Variants in ELOVL5 observed in about 807,000 individuals in gnomAD.
ELOVL5 encodes very long chain fatty acid elongase 5.
ELOVL5 carries 8 observed loss-of-function variants against 38.6 expected under a neutral mutation model. The ratio of observed to expected loss-of-function variants is 0.21; its 90% CI spans 0.12 to 0.37. ELOVL5 has a LOEUF of 0.37. Among genes scored for constraint, ELOVL5 ranks in the 10% least tolerant of loss-of-function variants. The pLI, the probability that ELOVL5 is intolerant of heterozygous loss-of-function variation, is 1.00. For synonymous variants in ELOVL5, 127 were observed against 133.7 expected (o/e 0.95, Z 0.34); for missense variants, 280 against 367.8 (o/e 0.76, Z 1.95).
chr6:53,335,816 C>T (rs903897883), intron 1 of ELOVL5, among the ~76,000 whole-genome samples: 3 of 152,198 alleles, frequency 2.0e-5, no homozygotes, highest in African/African-American at 7.2e-5. Context: ...GCAAAGTTAT[C>T]TGGAGGCTGT....
chr6:53,348,759 C>G, intron 1 of ELOVL5, 58 bp downstream of exon 1: 1 of 451,050 alleles, frequency 2.2e-6, no homozygotes, highest in South Asian at 1.6e-5. Context: ...CGCGCTCGCG[C>G]GGGTGTCATG....
intron 1 of ELOVL5, among the ~76,000 whole-genome samples, chr6:53,304,270 C>T (rs1767386890): frequency 6.6e-6 from 1 of 152,208 alleles, no homozygotes; most frequent in Non-Finnish European, 1.5e-5. Flanking sequence ...TTACAGATGG[C>T]ATTTCCTCGG....
At chr6:53,345,971 G>A (rs1030363754) in intron 1 of ELOVL5, among the ~76,000 whole-genome samples, 1 of 152,154 alleles carries the variant, frequency 6.6e-6, no homozygotes, top group Non-Finnish European at 1.5e-5. Flanking sequence ...GTATACATGT[G>A]CCATGCTGGT....
chr6:53,346,876 T>C (rs959761501), intron 1 of ELOVL5, among the ~76,000 whole-genome samples: 5 of 152,044 alleles, frequency 3.3e-5, no homozygotes, highest in African/African-American at 1.2e-4. Flanking sequence ...ATCCAAAAAT[T>C]AAGGTCTGTA....
intron 1 of ELOVL5, among the ~76,000 whole-genome samples, chr6:53,300,701 G>A (rs897704797): frequency 5.3e-5 from 8 of 152,190 alleles, no homozygotes; most frequent in African/African-American, 1.9e-4. Flanking sequence ...CATGACAGGA[G>A]TGGGCAGCAC....
chr6:53,301,750 T>C (rs1767262080), intron 1 of ELOVL5, among the ~76,000 whole-genome samples: 1 of 152,230 alleles, frequency 6.6e-6, no homozygotes, highest in Non-Finnish European at 1.5e-5. Flanking sequence ...AAAGAATTCC[T>C]TTTTAACGCA....
At chr6:53,280,490 T>C (rs927832436) in intron 3 of ELOVL5, among the ~76,000 whole-genome samples, 2 of 152,232 alleles carry the variant, frequency 1.3e-5, no homozygotes, top group African/African-American at 4.8e-5. Context: ...CTTTTCTCCA[T>C]ATGAGATAAA....
At chr6:53,283,678 G>C (rs552043144) in intron 3 of ELOVL5, among the ~76,000 whole-genome samples, 9 of 152,218 alleles carry the variant, frequency 5.9e-5, no homozygotes, top group Non-Finnish European at 1.3e-4. Flanking sequence ...AAGGAAGTAG[G>C]AGTGAATGGA....
Position 53,276,120 on chromosome 6 carries a change from A to T in ELOVL5, c.324+59T>A, listed in dbSNP as rs922008362. ...TTATGGGCCATTTTGTATTTTATAC[A>T]ATTTATTTTTAAAAACTCAACACTT... is the stretch of plus-strand genomic sequence containing the variant. On this transcript the variant is annotated intron_variant, in intron 4 of 7. Transcript: ENST00000304434. The T allele has an allele frequency of 4.2e-6, 5 of 1,202,020 alleles. No individual in the cohort carries two copies. In the South Asian group the frequency reaches 6.7e-5, roughly 16 times the overall value. 74.5% of individuals were successfully genotyped at this position (1,202,020 alleles called of 1,614,324 possible). A position where few individuals can be genotyped will look rare whatever the true frequency, so the allele number is the denominator to read the frequency against.
chr6:53,292,310 CCCAAGAA>C (rs1481499899), intron 2 of ELOVL5, among the ~76,000 whole-genome samples: 15 of 152,174 alleles, frequency 9.9e-5, no homozygotes, highest in Non-Finnish European at 2.1e-4. Flanking sequence ...GGTGATAAAA[CCCAAGAA>C]ATGGCAGTCA....
Position 53,273,356 on chromosome 6 carries a change from G to C in ELOVL5, c.497-12C>G, listed in dbSNP as rs1765994345. On this transcript the variant is annotated splice_polypyrimidine_tract_variant and intron_variant, in intron 5 of 7. Coordinates refer to ENST00000304434, the MANE Select transcript of ELOVL5 (RefSeq NM_021814.5). ...GGCACCAAAATAAGCTGCAGGAACA[G>C]AGGGATTTGGGAAGGAGAATGTATT... 6.2e-7 allele frequency: 1 copy of C among 1,611,898 alleles called. No homozygotes were observed. Among genetic ancestry groups the C allele is most frequent in the African/African-American group, 1.3e-5 (1 of 74,860 alleles).
chr6:53,280,582 A>G (rs1004286962), intron 3 of ELOVL5, among the ~76,000 whole-genome samples: 4 of 152,204 alleles, frequency 2.6e-5, no homozygotes, highest in Admixed American at 2.6e-4. Flanking sequence ...TCTGGATGAC[A>G]TAATTCATGG....
intron 1 of ELOVL5, among the ~76,000 whole-genome samples, chr6:53,319,666 CT>C (rs1768218042): frequency 6.6e-6 from 1 of 152,194 alleles, no homozygotes; most frequent in African/African-American, 2.4e-5. Flanking sequence ...AAATTCCTTT[CT>C]TCCATCCAAC....
chr6:53,287,773 A>C, intron 3 of ELOVL5: 1 of 1,145,006 alleles, frequency 8.7e-7, no homozygotes, highest in Non-Finnish European at 1.3e-6. Context: ...GAAAGGCCGG[A>C]GTGCCTCCTT....
At chr6:53,334,915 C>A (rs1003605916) in intron 1 of ELOVL5, among the ~76,000 whole-genome samples, 7 of 152,116 alleles carry the variant, frequency 4.6e-5, no homozygotes, top group Non-Finnish European at 8.8e-5. Context: ...CCTGTTCTCC[C>A]AAATCAGCAC....
At chr6:53,303,837 T>C (rs1767368037) in intron 1 of ELOVL5, among the ~76,000 whole-genome samples, 1 of 152,216 alleles carries the variant, frequency 6.6e-6, no homozygotes, top group South Asian at 2.1e-4. Context: ...TCTAACACCT[T>C]CTAACATCCT....
At chr6:53,272,749 T>C (rs1217422465) in intron 6 of ELOVL5, among the ~76,000 whole-genome samples, 2 of 152,164 alleles carry the variant, frequency 1.3e-5, no homozygotes, top group African/African-American at 2.4e-5. Flanking sequence ...GGTGCTCCAC[T>C]GCATGGGGGC....
chr6:53,268,224 C>T lies in ELOVL5; in HGVS notation c.*903G>A, dbSNP rs539507173. The T allele has an allele frequency of 7.8e-4, 118 of 152,242 alleles. No homozygotes were observed. Among genetic ancestry groups the T allele is most frequent in the African/African-American group, 2.6e-3 (110 of 41,564 alleles). The allele number at this position is 152,242 out of a possible 1,614,324, so 9.4% of individuals were successfully genotyped here. Reference sequence around the variant, plus strand: ...TGCTCATCTACGGGACTCTGTCAAACGGTAAATAGGCAATCATCTCTCTTG... The same window carrying T: ...TGCTCATCTACGGGACTCTGTCAAATGGTAAATAGGCAATCATCTCTCTTG... On this transcript the variant is annotated 3_prime_UTR_variant, in exon 8 of 8. Transcript: ENST00000304434.
intron 1 of ELOVL5, among the ~76,000 whole-genome samples, chr6:53,306,399 G>GGGAGAGGGGAGAGGGGAGA (rs1482318381): frequency 1.4e-5 from 2 of 140,424 alleles, no homozygotes; most frequent in African/African-American, 2.7e-5. Flanking sequence ...AGAGGGGAGA[G>GGGAGAGGGGAGAGGGGAGA]GGGCAAACAC....
Sources: gnomAD v4.1 joint callset for allele counts (sites outside exome capture counted in the v4.1 genomes callset) on GRCh38, gnomAD v4.1.1 for gene constraint, MANE v1.5 for transcripts, NCBI Gene and HGNC (gene_info 2026-07-23, HGNC 2026-07-21) for gene names.